The following CHIC1 variants were observed in gnomAD, a reference collection of about 807,000 sequenced individuals.
CHIC1 encodes the protein cysteine rich hydrophobic domain 1, also known as cysteine-rich hydrophobic domain-containing protein 1.
CHIC1 carries 7 observed loss-of-function variants against 18.5 expected under a neutral mutation model. That is an observed-to-expected ratio of 0.38 (90% CI 0.22 to 0.71). The LOEUF is 0.71. CHIC1 is among the 30% of genes least tolerant of loss of function. The pLI is 0.49. For synonymous variants in CHIC1, 77 were observed against 73.5 expected (o/e 1.05, Z -0.25); for missense variants, 159 against 176.9 (o/e 0.90, Z 0.57).
intron 3 of CHIC1, among the ~76,000 whole-genome samples, chrX:73,634,122 A>C (rs1295706064): frequency 1.8e-5 from 2 of 111,875 alleles, no homozygotes; most frequent in African/African-American, 3.3e-5. Context: ...TTAGCCACAC[A>C]TTGCCATCTT....
intron 1 of CHIC1, among the ~76,000 whole-genome samples, chrX:73,564,791 G>GTTTTTT (rs370930878): frequency 3.8e-4 from 22 of 58,367 alleles, no homozygotes; most frequent in South Asian, 2.8e-3. Flanking sequence ...AACATGTTGA[G>GTTTTTT]TTTTTTTTTT....
At chrX:73,643,960 C>T (rs1185951310) in intron 3 of CHIC1, among the ~76,000 whole-genome samples, 3 of 111,848 alleles carry the variant, frequency 2.7e-5, no homozygotes, top group Non-Finnish European at 5.6e-5. Flanking sequence ...TTTAGAGTTT[C>T]CAGTTTTTCT....
chrX:73,597,888 G>A (rs927432052), intron 3 of CHIC1, among the ~76,000 whole-genome samples: 1 of 110,621 alleles, frequency 9.0e-6, no homozygotes, highest in Non-Finnish European at 1.9e-5. Flanking sequence ...TTCTATTCCT[G>A]TGTTAGTTTG....
Position 73,681,191 on chromosome X carries a change from C to T in CHIC1, c.*186C>T. On this transcript the variant is annotated 3_prime_UTR_variant, in exon 6 of 6. Coordinates refer to ENST00000373502, the MANE Select transcript of CHIC1 (RefSeq NM_001039840.4). ...ACATCTTTTTTGTCTTTCAATGAGG[C>T]TTGTGTTTTGCACTCTCAATTTTAA... is the stretch of plus-strand genomic sequence containing the variant. 2.6e-6 allele frequency: 1 copy of T among 387,643 alleles called. No homozygotes were observed. The highest frequency in any genetic ancestry group is 4.4e-6 in the Non-Finnish European group (1 of 225,794). 31.9% of individuals were successfully genotyped at this position (387,643 alleles called of 1,213,427 possible).
chrX:73,603,823 A>G (rs1209053494), intron 3 of CHIC1, among the ~76,000 whole-genome samples: 1 of 108,812 alleles, frequency 9.2e-6, no homozygotes, highest in Non-Finnish European at 1.9e-5. Context: ...GTGTATGTTG[A>G]ACTAGCTTTG....
intron 3 of CHIC1, among the ~76,000 whole-genome samples, chrX:73,661,086 G>A (rs909470155): frequency 9.0e-6 from 1 of 111,585 alleles, no homozygotes; most frequent in East Asian, 2.8e-4. Context: ...CAGGATGCTT[G>A]TGGAATGTTG....
At chrX:73,609,089 A>G (rs2057695793) in intron 3 of CHIC1, among the ~76,000 whole-genome samples, 1 of 104,405 alleles carries the variant, frequency 9.6e-6, no homozygotes, top group African/African-American at 3.8e-5. Flanking sequence ...CAAGAGGTGG[A>G]GGTTGCAGTC....
At chrX:73,587,339 C>T (rs187602640) in intron 3 of CHIC1, among the ~76,000 whole-genome samples, 38 of 111,699 alleles carry the variant, frequency 3.4e-4, no homozygotes, top group African/African-American at 9.7e-4. Context: ...GGTGCGATTT[C>T]GCAGCTACAT....
At chrX:73,653,292 G>A (rs766111866) in intron 3 of CHIC1, among the ~76,000 whole-genome samples, 2 of 111,284 alleles carry the variant, frequency 1.8e-5, no homozygotes, top group Non-Finnish European at 1.9e-5. Context: ...CATGGTACAC[G>A]TATACCTATG....
chrX:73,573,823 C>G (rs761545849), intron 1 of CHIC1, among the ~76,000 whole-genome samples: 3 of 110,883 alleles, frequency 2.7e-5, no homozygotes, highest in African/African-American at 6.5e-5. Context: ...GTTCAAGGAG[C>G]CTTTTGGCAA....
intron 3 of CHIC1, among the ~76,000 whole-genome samples, chrX:73,589,055 T>G (rs1387271213): frequency 9.1e-6 from 1 of 110,481 alleles, no homozygotes; most frequent in Admixed American, 9.7e-5. Context: ...TCCACTCTAT[T>G]TTTTCCTTTT....
intron 3 of CHIC1, among the ~76,000 whole-genome samples, chrX:73,653,781 CTT>C (rs144531291): frequency 0.012 from 1,303 of 112,017 alleles, 11 homozygotes; most frequent in Non-Finnish European, 0.017. Flanking sequence ...TCTTTTACCT[CTT>C]TGAGTAAATC....
At chrX:73,612,737 T>C (rs2057714879) in intron 3 of CHIC1, among the ~76,000 whole-genome samples, 1 of 112,385 alleles carries the variant, frequency 8.9e-6, no homozygotes, top group African/African-American at 3.2e-5. Flanking sequence ...ATATGGTTTA[T>C]CCTAGAGAAT....
intron 3 of CHIC1, among the ~76,000 whole-genome samples, chrX:73,601,135 A>T (rs1425813030): frequency 5.6e-5 from 6 of 106,450 alleles, no homozygotes; most frequent in Non-Finnish European, 1.1e-4. Context: ...CCCACTGTCA[A>T]CATTAGACAG....
rs377327058 is a variant in CHIC1 at position 73,662,719 on chromosome X, T to C, written c.508-16607T>C. The stretch of plus-strand genomic sequence containing the variant: ...TCTTACTGACCAGGAAGTTAGTATG[T>C]ACCTGAGATATTTCCAAGGAGAGAA... On this transcript the variant is annotated intron_variant, in intron 3 of 5. Transcript: ENST00000373502. Among the ~76,000 whole-genome samples, 23 of 110,015 alleles carry C rather than the reference T, an allele frequency of 2.1e-4. No homozygotes were observed. The South Asian group carries it at 9.2e-3, about 44-fold the overall frequency.
At chrX:73,596,017 G>A (rs755928210) in intron 3 of CHIC1, among the ~76,000 whole-genome samples, 5 of 111,184 alleles carry the variant, frequency 4.5e-5, no homozygotes, top group African/African-American at 1.6e-4. Flanking sequence ...CTTTTTGATG[G>A]GGTTGCTTTT....
chrX:73,644,641 G>A (rs923653565), intron 3 of CHIC1, among the ~76,000 whole-genome samples: 13 of 112,376 alleles, frequency 1.2e-4, no homozygotes, highest in Non-Finnish European at 2.4e-4. Flanking sequence ...AGACTGCTGG[G>A]CTAGCAATGA....
intron 5 of CHIC1, among the ~76,000 whole-genome samples, 173 bp downstream of exon 5, chrX:73,679,886 C>T (rs1378300971): frequency 1.8e-5 from 2 of 111,606 alleles, no homozygotes; most frequent in Non-Finnish European, 3.8e-5. Context: ...CCTAAAATAT[C>T]TTGAAAGCTA....
chrX:73,630,767 AT>A (rs2057803266), intron 3 of CHIC1, among the ~76,000 whole-genome samples: 1 of 111,944 alleles, frequency 8.9e-6, no homozygotes, highest in African/African-American at 3.3e-5. Flanking sequence ...TATATTTGGA[AT>A]TGTTTCCTCC....
Sources: allele counts gnomAD v4.1 joint callset (sites outside exome capture counted in the v4.1 genomes callset), GRCh38; gene constraint gnomAD v4.1.1; transcripts MANE v1.5; gene names NCBI Gene and HGNC (gene_info 2026-07-23, HGNC 2026-07-21).